The following ITGA11 variants were observed in gnomAD, a reference collection of about 807,000 sequenced individuals.
ITGA11 encodes the protein integrin subunit alpha 11, also known as integrin alpha-11.
A neutral mutation model predicts 141.9 loss-of-function variants in ITGA11; 97 were observed. That is an observed-to-expected ratio of 0.68 (90% confidence interval 0.58 to 0.81). The LOEUF (loss-of-function observed/expected upper bound fraction) is 0.81, where lower values mean the gene tolerates loss of function less well. Among genes scored for constraint, ITGA11 ranks in the 30% least tolerant of loss-of-function variants. ITGA11 has a pLI of 0.00. For missense variants in ITGA11, 1,387 were observed against 1,559.2 expected (o/e 0.89, Z 1.86); for synonymous variants, 658 against 624.6 (o/e 1.05, Z -0.80).
chr15:68,357,504 C>T (rs1427448335), intron 6 of ITGA11, among the ~76,000 whole-genome samples: 1 of 152,122 alleles, frequency 6.6e-6, no homozygotes, highest in African/African-American at 2.4e-5. Context: ...CTTGGTGGCA[C>T]AAGAAGGGGT....
intron 2 of ITGA11, among the ~76,000 whole-genome samples, chr15:68,399,742 G>A (rs1020341667): frequency 1.6e-4 from 25 of 151,958 alleles, no homozygotes; most frequent in Admixed American, 4.6e-4. Flanking sequence ...AAGTGGGAGC[G>A]AAACACTGGG....
chr15:68,349,884 C>T (rs539419368), intron 9 of ITGA11, among the ~76,000 whole-genome samples: 74 of 152,312 alleles, frequency 4.9e-4, no homozygotes, highest in African/African-American at 1.7e-3. Context: ...CTGCTAGGCA[C>T]AAGCTAGGGT....
rs1435869096 is a variant in ITGA11, at chr15:68,331,811, A to T, written c.1770+48T>A. The T allele has an allele frequency of 4.7e-6, 7 of 1,483,868 alleles. No individual in the cohort carries two copies. In the African/African-American group the frequency reaches 7.0e-5, roughly 15 times the overall value. The allele number at this position is 1,483,868 out of a possible 1,614,324, so 91.9% of individuals were successfully genotyped here. ...CACAGAAGCTCCTGGGACTCCTGGG[A>T]CTCCTGCAGCCCCATTTGCTCCATC... On this transcript the variant is annotated intron_variant, in intron 14 of 29. Transcript: ENST00000315757.
rs1478795420 is a variant in ITGA11, at chr15:68,331,131, A to G, written c.1771-20T>C. On this transcript the variant is annotated intron_variant, in intron 14 of 29. Transcript: ENST00000315757. The stretch of plus-strand genomic sequence containing the variant: ...GATTCTCTGCAGGGCGCGGGAAGAG[A>G]GGGGGAGGGCATGCACACTGTGAGT... 3 of 1,228,688 alleles carry G rather than the reference A, an allele frequency of 2.4e-6. No individual in the cohort carries two copies. Among genetic ancestry groups the G allele is most frequent in the Non-Finnish European group, 2.2e-6 (2 of 906,722 alleles). 76.1% of individuals were successfully genotyped at this position (1,228,688 alleles called of 1,614,324 possible).
rs1892961775 is a variant in ITGA11 at position 68,298,785 on chromosome 15, A to G, written c.*4274T>C. The stretch of plus-strand genomic sequence containing the variant: ...CACCTTCTGAAAACATTTCAGACAC[A>G]TCACTAAGTTGTTGCACATCTTTTT... On this transcript the variant is annotated 3_prime_UTR_variant, in exon 30 of 30. Transcript: ENST00000315757. The G allele has an allele frequency of 6.6e-6, 1 of 152,222 alleles. No individual in the cohort carries two copies. 9.4% of individuals were successfully genotyped at this position (152,222 alleles called of 1,614,324 possible).
intron 2 of ITGA11, among the ~76,000 whole-genome samples, chr15:68,387,663 C>T (rs1033747163): frequency 7.2e-5 from 11 of 152,084 alleles, no homozygotes; most frequent in African/African-American, 1.4e-4. Flanking sequence ...CCCTTACATC[C>T]GCTGGGCTCC....
chr15:68,378,004 T>G (rs1895769870), intron 2 of ITGA11, among the ~76,000 whole-genome samples: 1 of 152,224 alleles, frequency 6.6e-6, no homozygotes, highest in African/African-American at 2.4e-5. Context: ...GCCTTTCTGA[T>G]AGAGAAGCAT....
At position 68,326,812 on chromosome 15, in the gene ITGA11, G is replaced by A. The variant is rs920340741; in HGVS notation, c.2069-16C>T. Reference sequence around the variant, plus strand: ...TATCTGATGCCTGCAGGAGGGGAGAGGGCAAGACCACAAAGGTGGAGCCAC... The same window carrying A: ...TATCTGATGCCTGCAGGAGGGGAGAAGGCAAGACCACAAAGGTGGAGCCAC... On this transcript the variant is annotated splice_polypyrimidine_tract_variant and intron_variant, in intron 16 of 29. Coordinates refer to ENST00000315757, the MANE Select transcript of ITGA11 (RefSeq NM_001004439.2). The surrounding 1 kb of genome is among the most constrained non-coding windows in gnomAD (Gnocchi z 6.8). The A allele has an allele frequency of 4.5e-6, 7 of 1,569,910 alleles. No individual in the cohort carries two copies. Among genetic ancestry groups the A allele is most frequent in the Admixed American group, 1.8e-5 (1 of 54,172 alleles).
chr15:68,332,174 C>T, intron 13 of ITGA11, 112 bp from the exon 14 acceptor site: 2 of 1,239,518 alleles, frequency 1.6e-6, no homozygotes, highest in African/African-American at 1.5e-5. Flanking sequence ...TTCCCCAGAA[C>T]CCCGTCTCTG....
At position 68,313,728 on chromosome 15, in the gene ITGA11, C is replaced by T; in HGVS notation, c.2882+51G>A. 5 of 1,443,906 alleles carry T rather than the reference C, an allele frequency of 3.5e-6. 1 individual carries two copies. The South Asian group carries it at 3.5e-5, about 10-fold the overall frequency. The allele number at this position is 1,443,906 out of a possible 1,614,324, so 89.4% of individuals were successfully genotyped here. ...GGATGCCCCCCCTTAGGCCTCCCTC[C>T]TCCCATTCCCCATGCCTTCCCTCTC... On this transcript the variant is annotated intron_variant, in intron 23 of 29. Transcript: ENST00000315757.
At chr15:68,363,439 G>A (rs1895315968) in intron 4 of ITGA11, among the ~76,000 whole-genome samples, 1 of 152,140 alleles carries the variant, frequency 6.6e-6, no homozygotes, top group Non-Finnish European at 1.5e-5. Flanking sequence ...CTAATAAAGG[G>A]CTGTGGGCTG....
At position 68,358,524 on chromosome 15, in the gene ITGA11, C is replaced by T. The variant is rs1258751737; in HGVS notation, c.534G>A (p.Trp178Ter). 6.2e-7 allele frequency: 1 copy of T among 1,614,142 alleles called. No homozygotes were observed. Among genetic ancestry groups the T allele is most frequent in the Non-Finnish European group, 8.5e-7 (1 of 1,180,010 alleles). ...VLDGSNSIYPWVEVQHFLINI... is the reference protein window; with the variant it reads ...VLDGSNSIYP ...TGATGAGGAAGTGCTGAACCTCCAC[C>T]CAGGGGTAGATGCTGTTGGAGCCAT... Residue 178 changes from tryptophan (W) to a stop codon, truncating the protein, a stop_gained, in exon 6 of 30, where the codon TGG becomes TGA. Transcript: ENST00000315757. LOFTEE classifies it high-confidence loss of function.
chr15:68,369,637 C>T (rs747656623), intron 2 of ITGA11, among the ~76,000 whole-genome samples: 3 of 152,154 alleles, frequency 2.0e-5, no homozygotes, highest in Non-Finnish European at 4.4e-5. Flanking sequence ...TGTCAAATGA[C>T]GAGAGAGTGG....
At chr15:68,329,576 G>A (rs922538804) in intron 15 of ITGA11, among the ~76,000 whole-genome samples, 3 of 152,160 alleles carry the variant, frequency 2.0e-5, no homozygotes, top group Admixed American at 6.5e-5. Context: ...TCTCTTGAGG[G>A]GTGTGTGTGC....
rs1338176089 is a variant in ITGA11 at position 68,298,892 on chromosome 15, T to C, written c.*4167A>G. On this transcript the variant is annotated 3_prime_UTR_variant, in exon 30 of 30. Coordinates refer to ENST00000315757, the MANE Select transcript of ITGA11 (RefSeq NM_001004439.2). The stretch of plus-strand genomic sequence containing the variant: ...GAGACCCTGTCTCTACAAAAAATAC[T>C]AAAATTAGCTGAGTGTGGTGTGTGC... The C allele has an allele frequency of 6.6e-6, 1 of 151,894 alleles. No homozygotes were observed. The highest frequency in any genetic ancestry group is 1.5e-5 in the Non-Finnish European group (1 of 67,982). The allele number at this position is 151,894 out of a possible 1,614,324, so 9.4% of individuals were successfully genotyped here. A position where few individuals can be genotyped will look rare whatever the true frequency, so the allele number is the denominator to read the frequency against.
rs1892956235 is a variant in ITGA11, at chr15:68,298,501, CTG to C, written c.*4556_*4557del. On this transcript the variant is annotated 3_prime_UTR_variant, in exon 30 of 30. Transcript: ENST00000315757. Reference sequence around the variant, plus strand: ...ATTAGCTGGGCATGGTGGTGCATGTCTGTAGTCCCAGCTACTCAAGAGGCTGA... The same window carrying C: ...ATTAGCTGGGCATGGTGGTGCATGTCTAGTCCCAGCTACTCAAGAGGCTGA... 6.6e-6 allele frequency: 1 copy of C among 152,170 alleles called. No individual in the cohort carries two copies. The highest frequency in any genetic ancestry group is 6.5e-5 in the Admixed American group (1 of 15,272). 9.4% of individuals were successfully genotyped at this position (152,170 alleles called of 1,614,324 possible). A position where few individuals can be genotyped will look rare whatever the true frequency, so the allele number is the denominator to read the frequency against.
At chr15:68,351,235 C>A in intron 8 of ITGA11, 23 bp downstream of exon 8, 2 of 1,612,946 alleles carry the variant, frequency 1.2e-6, no homozygotes, top group Non-Finnish European at 1.7e-6. Flanking sequence ...CCATCAGCAG[C>A]CCTTGGGCGG....
intron 3 of ITGA11, among the ~76,000 whole-genome samples, chr15:68,368,351 G>A (rs934042475): frequency 6.6e-6 from 1 of 152,224 alleles, no homozygotes; most frequent in African/African-American, 2.4e-5. Context: ...CCTTCTGAGA[G>A]CAGAGCAAGC....
intron 1 of ITGA11, among the ~76,000 whole-genome samples, chr15:68,419,004 T>C (rs1896955388): frequency 6.6e-6 from 1 of 152,048 alleles, no homozygotes; most frequent in Non-Finnish European, 1.5e-5. Context: ...CAGTCTGCCC[T>C]GCTCTTTGAA....
Sources: allele counts gnomAD v4.1 joint callset (sites outside exome capture counted in the v4.1 genomes callset), GRCh38; gene constraint gnomAD v4.1.1; non-coding constraint Gnocchi (gnomAD v3.1); transcripts MANE v1.5; gene names NCBI Gene and HGNC (gene_info 2026-07-23, HGNC 2026-07-21).